Variants in SRA1 observed in about 807,000 individuals in gnomAD.
SRA1 encodes the protein lncRNA SRA.
In SRA1, 25 loss-of-function variants were observed where a neutral mutation model predicts 24.3. The observed-to-expected ratio is 1.03, with a 90% confidence interval of 0.75 to 1.43. The LOEUF is 1.43. SRA1 is among the 40% of genes most tolerant of loss of function. SRA1 has a pLI of 0.00. For missense variants in SRA1, 303 were observed against 286.6 expected (o/e 1.06, Z -0.41); for synonymous variants, 104 against 109.5 (o/e 0.95, Z 0.31).
intron 4 of SRA1, 59 bp downstream of exon 4, chr5:140,551,002 C>T (rs945466825): frequency 5.1e-6 from 8 of 1,575,410 alleles, no homozygotes; most frequent in African/African-American, 2.7e-5. Context: ...GCACCTGCTC[C>T]AGCATAGCCA....
At chr5:140,556,896 A>G (rs1581400113) in intron 2 of SRA1, among the ~76,000 whole-genome samples, 1 of 152,306 alleles carries the variant, frequency 6.6e-6, no homozygotes, top group African/African-American at 2.4e-5. Flanking sequence ...AAACTATATT[A>G]AAAGCCACAG....
Position 140,550,898 on chromosome 5 carries a change from G to A in SRA1, c.477C>T (p.His159=), listed in dbSNP as rs754112362. The change falls in exon 5 of 5, where the codon CAC becomes CAT. Residue 159 remains histidine, a synonymous_variant. Coordinates refer to ENST00000336283, the MANE Select transcript of SRA1 (RefSeq NM_001035235.4). Reference sequence around the variant, plus strand: ...GGATGTCATCTGCTGCGTCCCACCGGTGGCTTGAAAGCTCTGAAGAGAGAC... The same window carrying A: ...GGATGTCATCTGCTGCGTCCCACCGATGGCTTGAAAGCTCTGAAGAGAGAC... ...MALLVQELSS[H]RWDAADDIHR... 2 of 1,614,118 alleles carry A rather than the reference G, an allele frequency of 1.2e-6. No homozygotes were observed. The highest frequency in any genetic ancestry group is 1.1e-5 in the South Asian group (1 of 91,080).
At chr5:140,556,643 G>A (rs564431414) in intron 2 of SRA1, among the ~76,000 whole-genome samples, 1 of 150,410 alleles carries the variant, frequency 6.6e-6, no homozygotes, top group African/African-American at 2.4e-5. Flanking sequence ...CTCCAGTGCT[G>A]CAACGTGGAC....
chr5:140,555,044 A>C (rs1387001410), intron 2 of SRA1, among the ~76,000 whole-genome samples: 2 of 150,488 alleles, frequency 1.3e-5, no homozygotes, highest in Non-Finnish European at 3.0e-5. Context: ...ACACCTGGCT[A>C]TTTTTTGTAT....
intron 2 of SRA1, among the ~76,000 whole-genome samples, chr5:140,555,990 C>T (rs1754683653): frequency 6.6e-6 from 1 of 152,218 alleles, no homozygotes; most frequent in Non-Finnish European, 1.5e-5. Context: ...AGTGATCTTT[C>T]CAAAATGTAA....
chr5:140,555,349 C>T (rs1342723292), intron 2 of SRA1, among the ~76,000 whole-genome samples: 1 of 152,036 alleles, frequency 6.6e-6, no homozygotes, highest in Non-Finnish European at 1.5e-5. Flanking sequence ...CAGGTTCAAG[C>T]GATTCTCCTG....
rs756358177 is a variant in SRA1 at position 140,550,694 on chromosome 5, C to T, written c.*6G>A. On this transcript the variant is annotated 3_prime_UTR_variant, in exon 5 of 5. Coordinates refer to ENST00000336283, the MANE Select transcript of SRA1 (RefSeq NM_001035235.4). ...ATGGTGTCCGGTGAGTCTGGGGAAC[C>T]GAGGATTATGAAGCCTGCTGGAAGC... is the stretch of plus-strand genomic sequence containing the variant. 22 of 1,613,652 alleles carry T rather than the reference C, an allele frequency of 1.4e-5. No individual in the cohort carries two copies. In the African/African-American group the frequency reaches 1.6e-4, roughly 12 times the overall value.
intron 2 of SRA1, among the ~76,000 whole-genome samples, chr5:140,553,823 G>T (rs972038803): frequency 3.9e-5 from 6 of 152,208 alleles, no homozygotes; most frequent in Admixed American, 3.3e-4. Flanking sequence ...GGAGTAGTCT[G>T]AGATTTACTT....
At chr5:140,555,273 A>G (rs1754663382) in intron 2 of SRA1, among the ~76,000 whole-genome samples, 1 of 142,900 alleles carries the variant, frequency 7.0e-6, no homozygotes, top group Non-Finnish European at 1.5e-5. Context: ...TTGTCACAGA[A>G]TATCACTCTG....
chr5:140,557,428 C>T lies in SRA1; in HGVS notation c.25G>A (p.Gly9Ser), dbSNP rs749472360. The T allele has an allele frequency of 6.4e-7, 1 of 1,572,472 alleles. No homozygotes were observed. The highest frequency in any genetic ancestry group is 1.1e-5 in the South Asian group (1 of 87,806). The change falls in exon 1 of 5, where the codon GGC becomes AGC. Residue 9 changes from glycine (G) to serine (S), a missense_variant and splice_region_variant. Physicochemically the swap from Gly to Ser is moderately conservative, Grantham distance 56. Transcript: ENST00000336283. ...GCCCTAGCCCGCCGGCTGCGCTCAC[C>T]CGGCTTCACGTACAGCTCCGCCATC... MAELYVKP[G>S]NKERGWNDPP...
Position 140,551,069 on chromosome 5 carries a change from A to T in SRA1, c.455T>A (p.Leu152Gln), listed in dbSNP as rs750746289. 2.4e-5 allele frequency: 38 copies of T among 1,613,516 alleles called. No homozygotes were observed. The highest frequency in any genetic ancestry group is 3.1e-5 in the Non-Finnish European group (36 of 1,179,514). The change falls in exon 4 of 5, where the codon CTG becomes CAG. Residue 152 changes from leucine (L) to glutamine (Q), a missense_variant. Leu to Gln is a moderately radical substitution (Grantham distance 113). Coordinates refer to ENST00000336283, the MANE Select transcript of SRA1 (RefSeq NM_001035235.4). ...SIPVKKRMAL[L>Q]VQELSSHRWD... is the part of the protein sequence containing the mutation. ...AAAGAACCCACCCATACCTTGCACC[A>T]GTAGAGCCATTCTCTTCTTTACAGG...
chr5:140,557,418 C>G lies in SRA1; in HGVS notation c.25+10G>C. 1 of 1,579,312 alleles carries G rather than the reference C, an allele frequency of 6.3e-7. No individual in the cohort carries two copies. The highest frequency in any genetic ancestry group is 8.6e-7 in the Non-Finnish European group (1 of 1,164,626). On this transcript the variant is annotated intron_variant, in intron 1 of 4. Coordinates refer to ENST00000336283, the MANE Select transcript of SRA1 (RefSeq NM_001035235.4). ...ACAACCTAGTGCCCTAGCCCGCCGG[C>G]TGCGCTCACCCGGCTTCACGTACAG...
chr5:140,557,112 C>G, intron 2 of SRA1, 35 bp downstream of exon 2: 200 of 1,163,560 alleles, frequency 1.7e-4, no homozygotes, highest in Non-Finnish European at 2.2e-4. Context: ...CCCCCCCATT[C>G]TCCGTCTGTC....
At position 140,555,563 on chromosome 5, in the gene SRA1, A is replaced by G. The variant is rs1011591023; in HGVS notation, c.151+1584T>C. 5.3e-5 allele frequency among the ~76,000 whole-genome samples: 8 copies of G among 151,732 alleles called. No individual in the cohort carries two copies. In the East Asian group the frequency reaches 5.8e-4, roughly 11 times the overall value. On this transcript the variant is annotated intron_variant, in intron 2 of 4. Transcript: ENST00000336283. ...TTTTTTCTTCTTTGGCCATTTCCCA[A>G]TCTCCTTTGCTGATTCCTTCTCAAC...
chr5:140,557,013 C>A (rs1044835900), intron 2 of SRA1, 134 bp downstream of exon 2: 1 of 758,202 alleles, frequency 1.3e-6, no homozygotes, highest in Non-Finnish European at 2.2e-6. Context: ...TGCTCTGAGA[C>A]CCTTACTGGA....
chr5:140,557,413 GC>G lies in SRA1; in HGVS notation c.25+14del, dbSNP rs761315403. ...GGGCGACAACCTAGTGCCCTAGCCCGCCGGCTGCGCTCACCCGGCTTCACGT... is the reference window on the plus strand; with the variant it reads ...GGGCGACAACCTAGTGCCCTAGCCCGCGGCTGCGCTCACCCGGCTTCACGT... On this transcript the variant is annotated intron_variant, in intron 1 of 4. Transcript: ENST00000336283. The G allele has an allele frequency of 1.3e-6, 2 of 1,581,428 alleles. No individual in the cohort carries two copies. The highest frequency in any genetic ancestry group is 1.7e-6 in the Non-Finnish European group (2 of 1,165,948).
At chr5:140,557,754 C>T (rs1235323116), upstream of SRA1, 3 of 533,536 alleles carry the variant, frequency 5.6e-6, no homozygotes, top group Non-Finnish European at 9.9e-6. Context: ...GCTCCTGCCC[C>T]ACATACACCC....
rs1177998316 is a variant in SRA1 at position 140,550,600 on chromosome 5, G to A, written c.*100C>T. 2.6e-5 allele frequency: 31 copies of A among 1,176,488 alleles called. No homozygotes were observed. Among genetic ancestry groups the A allele is most frequent in the South Asian group, 1.3e-4 (10 of 78,010 alleles). 72.9% of individuals were successfully genotyped at this position (1,176,488 alleles called of 1,614,324 possible). On this transcript the variant is annotated 3_prime_UTR_variant, in exon 5 of 5. Coordinates refer to ENST00000336283, the MANE Select transcript of SRA1 (RefSeq NM_001035235.4). ...ACTTCTTCCCTCATAGGTGGGTCAG[G>A]CCCAGTGGGACAGTCTTGGTGGTGG...
intron 2 of SRA1, among the ~76,000 whole-genome samples, chr5:140,552,485 T>C (rs924154046): frequency 1.3e-5 from 2 of 151,796 alleles, no homozygotes; most frequent in Admixed American, 6.6e-5. Context: ...AAACCCTGTC[T>C]CTACTAAAAA....
Sources: allele counts gnomAD v4.1 joint callset (sites outside exome capture counted in the v4.1 genomes callset), GRCh38; gene constraint gnomAD v4.1.1; transcripts MANE v1.5; gene names NCBI Gene and HGNC (gene_info 2026-07-23, HGNC 2026-07-21).